The following CASKIN2 variants were observed in gnomAD, a reference collection of about 807,000 sequenced individuals.
The protein encoded by CASKIN2 is CASK interacting protein 2.
Under a neutral mutation model 107.1 loss-of-function variants are expected in CASKIN2, and 41 were observed. The ratio of observed to expected loss-of-function variants is 0.38; its 90% CI spans 0.30 to 0.50. The LOEUF (loss-of-function observed/expected upper bound fraction) is 0.50, where lower values mean the gene tolerates loss of function less well. CASKIN2 is among the 20% of genes least tolerant of loss of function. CASKIN2 has a pLI of 0.92. For synonymous variants in CASKIN2, 724 were observed against 705.6 expected, an observed-to-expected ratio of 1.03 and a Z score of -0.41; for missense variants, 1,546 against 1,657.4, an observed-to-expected ratio of 0.93 and a Z score of 1.17.
chr17:75,510,203 G>C (rs1452570113), intron 2 of CASKIN2, among the ~76,000 whole-genome samples: 1 of 152,194 alleles, frequency 6.6e-6, no homozygotes, highest in East Asian at 1.9e-4. Flanking sequence ...TCAGAAAAGG[G>C]AGTGGTGCGG....
chr17:75,501,214 C>A, intron 19 of CASKIN2, 44 bp from the exon 20 acceptor site: 1 of 1,513,120 alleles, frequency 6.6e-7, no homozygotes, highest in South Asian at 1.2e-5. Context: ...CAGTGGCCTG[C>A]ACCCCACTGG....
chr17:75,512,480 G>T (rs1003166513), intron 2 of CASKIN2, among the ~76,000 whole-genome samples: 1 of 152,192 alleles, frequency 6.6e-6, no homozygotes, highest in African/African-American at 2.4e-5. Flanking sequence ...GTCAGGTCTC[G>T]AGGCTAGGTG....
At position 75,502,539 on chromosome 17, in the gene CASKIN2, C is replaced by T; in HGVS notation, c.2535G>A (p.Val845=). Residue 845 remains valine, a synonymous_variant, in exon 18 of 20, where the codon GTG becomes GTA. Coordinates refer to ENST00000321617, the MANE Select transcript of CASKIN2 (RefSeq NM_020753.5). The surrounding 1 kb of genome is among the most constrained non-coding windows in gnomAD (Gnocchi z 4.3). ...RSALVRTSPS[V]TPTPARGTPR... ...GAGTCCCCCGAGCTGGGGTTGGGGT[C>T]ACACTAGGACTGGTCCGGACAAGGG... 4 of 1,509,122 alleles carry T rather than the reference C, an allele frequency of 2.7e-6. No individual in the cohort carries two copies. The highest frequency in any genetic ancestry group is 3.6e-6 in the Non-Finnish European group (4 of 1,123,128). 93.5% of individuals were successfully genotyped at this position (1,509,122 alleles called of 1,614,324 possible).
intron 2 of CASKIN2, among the ~76,000 whole-genome samples, chr17:75,511,856 C>T (rs924705253): frequency 3.3e-5 from 5 of 152,276 alleles, no homozygotes; most frequent in African/African-American, 1.2e-4. Flanking sequence ...GCCTGCCCTC[C>T]TGAGGGCCTC....
In CASKIN2 at chr17:75,502,962, G is replaced by A; in HGVS notation, c.2112C>T (p.Arg704=). 1.9e-6 allele frequency: 3 copies of A among 1,594,576 alleles called. No homozygotes were observed. The highest frequency in any genetic ancestry group is 2.6e-6 in the Non-Finnish European group (3 of 1,169,912). ...RSPSQESIGA[R]SRGSGHSQEQ... Reference sequence around the variant, plus strand: ...CCTGTGAGTGGCCAGACCCCCGTGAGCGTGCCCCGATGCTCTCCTGGCTGG... The same window carrying A: ...CCTGTGAGTGGCCAGACCCCCGTGAACGTGCCCCGATGCTCTCCTGGCTGG... The change falls in exon 18 of 20, where the codon CGC becomes CGT. Residue 704 remains arginine, a synonymous_variant. Coordinates refer to ENST00000321617, the MANE Select transcript of CASKIN2 (RefSeq NM_020753.5). This position sits in a 1 kb window ranked among gnomAD's most constrained non-coding sequence, Gnocchi z 4.3.
intron 2 of CASKIN2, among the ~76,000 whole-genome samples, chr17:75,513,044 T>C (rs1407486442): frequency 3.9e-5 from 6 of 152,192 alleles, no homozygotes; most frequent in African/African-American, 4.8e-5. Context: ...AGAAATCTCA[T>C]GGCTCCAAAG....
Position 75,504,622 on chromosome 17 carries a change from A to C in CASKIN2, c.1264T>G (p.Ser422Ala), listed in dbSNP as rs757985262. 1 of 1,609,062 alleles carries C rather than the reference A, an allele frequency of 6.2e-7. No individual in the cohort carries two copies. Among genetic ancestry groups the C allele is most frequent in the East Asian group, 2.2e-5 (1 of 44,736 alleles). Residue 422 changes from serine to alanine, a missense_variant, in exon 12 of 20, where the codon TCT (serine) becomes GCT (alanine). By Grantham distance (99) the Ser-to-Ala change is moderately conservative. Around this residue, in one of 6 missense-constraint regions of CASKIN2, gnomAD observed 1,311 missense variants for 1,311.0 expected, o/e 1.00. Transcript: ENST00000321617. ...SIRSAGSGQSSEGTNGHGPGL... is the reference protein window; with the variant it reads ...SIRSAGSGQSAEGTNGHGPGL... ...GGGCCATGGCCATTAGTGCCCTCAG[A>C]GCTCTGCCCGCTGCCGGCACTGCGG...
chr17:75,511,059 CTT>C (rs149349828), intron 2 of CASKIN2, among the ~76,000 whole-genome samples: 6 of 115,056 alleles, frequency 5.2e-5, no homozygotes, highest in Admixed American at 2.8e-4. Context: ...TTTCCCTGTC[CTT>C]TTTTTTTTTT....
chr17:75,508,115 G>A, intron 3 of CASKIN2, 119 bp downstream of exon 3: 2 of 1,151,182 alleles, frequency 1.7e-6, no homozygotes. Context: ...TACACTTCCA[G>A]GGCCAAGTCT....
intron 2 of CASKIN2, among the ~76,000 whole-genome samples, chr17:75,508,830 T>C (rs3935439): frequency 0.69 from 105,649 of 152,158 alleles, 37,923 homozygotes; most frequent in Middle Eastern, 0.84. Context: ...CCATGCTCAG[T>C]GTCCTCAACT....
At chr17:75,503,586 G>T in intron 16 of CASKIN2, 59 bp from the exon 17 acceptor site, 1 of 1,603,542 alleles carries the variant, frequency 6.2e-7, no homozygotes. Flanking sequence ...AGCCAGAGGA[G>T]AAAAGGCACC....
intron 17 of CASKIN2, 67 bp from the exon 18 acceptor site, chr17:75,503,321 C>T: frequency 1.9e-6 from 3 of 1,582,602 alleles, no homozygotes; most frequent in Non-Finnish European, 2.6e-6. Context: ...CGCTGGGCCC[C>T]ATACTGTCTT....
rs775989105 is a variant in CASKIN2, at chr17:75,502,987, G to A, written c.2087C>T (p.Pro696Leu). The A allele has an allele frequency of 2.4e-5, 38 of 1,605,584 alleles. No individual in the cohort carries two copies. In the South Asian group the frequency reaches 3.2e-4, roughly 14 times the overall value. ...EPLPLPPARS[P>L]SQESIGARSR... is the part of the protein sequence containing the mutation. ...GCGTGCCCCGATGCTCTCCTGGCTG[G>A]GAGAGCGGGCAGGTGGGAGGGGGAG... Residue 696 changes from proline to leucine, a missense_variant, in exon 18 of 20, where the codon CCC becomes CTC. Pro to Leu is a moderately conservative substitution (Grantham distance 98). Transcript: ENST00000321617. The surrounding 1 kb of genome is among the most constrained non-coding windows in gnomAD (Gnocchi z 4.3).
At chr17:75,509,924 G>T in intron 2 of CASKIN2, 1 of 985,838 alleles carries the variant, frequency 1.0e-6, no homozygotes, top group Non-Finnish European at 1.2e-6. Context: ...CAAGGGCCAG[G>T]CTGGGTGGCT....
At chr17:75,507,767 G>A (rs2053280938) in intron 3 of CASKIN2, 86 bp from the exon 4 acceptor site, 1 of 1,025,952 alleles carries the variant, frequency 9.7e-7, no homozygotes, top group Admixed American at 2.1e-5. Context: ...ACCTATCCTG[G>A]GGGCTGGCAG....
intron 1 of CASKIN2, among the ~76,000 whole-genome samples, chr17:75,514,418 C>T (rs1023029029): frequency 1.5e-4 from 23 of 151,702 alleles, no homozygotes; most frequent in East Asian, 7.8e-4. Context: ...AGGTGGCATT[C>T]TGGGAGGGGG....
At chr17:75,504,374 T>G in intron 13 of CASKIN2, 46 bp downstream of exon 13, 2 of 1,599,576 alleles carry the variant, frequency 1.3e-6, no homozygotes, top group East Asian at 2.2e-5. Context: ...TCGGCCTCCT[T>G]ACTTGCACCT....
In CASKIN2 at chr17:75,505,049, G is replaced by A. The variant is rs1365046969; in HGVS notation, c.955C>T (p.Arg319Cys). 28 of 1,583,690 alleles carry A rather than the reference G, an allele frequency of 1.8e-5. No individual in the cohort carries two copies. Among genetic ancestry groups the A allele is most frequent in the South Asian group, 5.5e-5 (5 of 90,742 alleles). ...ITVLEQHPDG[R>C]WKGHIHESQR... ...CTCTCGTGGATGTGGCCCTTCCAGC[G>A]GCCGTCGGGATGCTGTTCTAGCACC... The change falls in exon 11 of 20, where the codon CGC (arginine) becomes TGC (cysteine). Residue 319 changes from arginine (R) to cysteine (C), a missense_variant. Around this residue, in one of 6 missense-constraint regions of CASKIN2, gnomAD observed 1,311 missense variants for 1,311.0 expected, o/e 1.00. Coordinates refer to ENST00000321617, the MANE Select transcript of CASKIN2 (RefSeq NM_020753.5). This position sits in a 1 kb window ranked among gnomAD's most constrained non-coding sequence, Gnocchi z 5.1.
At position 75,503,254 on chromosome 17, in the gene CASKIN2, C is replaced by A. The variant is rs1396231515; in HGVS notation, c.1820G>T (p.Gly607Val). 1 of 1,584,328 alleles carries A rather than the reference C, an allele frequency of 6.3e-7. No homozygotes were observed. Among genetic ancestry groups the A allele is most frequent in the Non-Finnish European group, 8.6e-7 (1 of 1,165,354 alleles). ...CCCCAGCATGAGCTTCTTCTGATGC[C>A]CTGAGATGGGGGACGGAAGTGGCAA... ...ELQEIGVNKL[G>V]HQKKLMLGVK... is the part of the protein sequence containing the mutation. Residue 607 changes from glycine to valine, a missense_variant and splice_region_variant, in exon 18 of 20, where the codon GGG (glycine) becomes GTG (valine). Coordinates refer to ENST00000321617, the MANE Select transcript of CASKIN2 (RefSeq NM_020753.5).
Sources: allele counts gnomAD v4.1 joint callset (sites outside exome capture counted in the v4.1 genomes callset), GRCh38; gene constraint gnomAD v4.1.1; regional missense constraint gnomAD v4.1.1; non-coding constraint Gnocchi (gnomAD v3.1); transcripts MANE v1.5; gene names NCBI Gene and HGNC (gene_info 2026-07-23, HGNC 2026-07-21).